The following C8orf34 variants were observed in gnomAD, a reference collection of about 807,000 sequenced individuals.
C8orf34 encodes uncharacterized protein C8orf34.
C8orf34 carries 65 observed loss-of-function variants against 68.3 expected under a neutral mutation model. The ratio of observed to expected loss-of-function variants is 0.95; its 90% CI spans 0.78 to 1.17. C8orf34 has a LOEUF of 1.17. C8orf34 is among the 50% of genes most tolerant of loss of function. The pLI, the probability that C8orf34 is intolerant of heterozygous loss-of-function variation, is 0.00. For synonymous variants in C8orf34, 244 were observed against 241.2 expected, an observed-to-expected ratio of 1.01 and a Z score of -0.11; for missense variants, 664 against 655.4, an observed-to-expected ratio of 1.01 and a Z score of -0.14.
chr8:68,510,180 C>T (rs898413918), intron 5 of C8orf34, among the ~76,000 whole-genome samples: 1 of 152,130 alleles, frequency 6.6e-6, no homozygotes, highest in African/African-American at 2.4e-5. Context: ...CATGCACTCC[C>T]TATCGTAAGC....
intron 10 of C8orf34, among the ~76,000 whole-genome samples, chr8:68,740,185 C>T (rs1475296123): frequency 6.6e-6 from 1 of 151,924 alleles, no homozygotes; most frequent in African/African-American, 2.4e-5. Flanking sequence ...ATTCTCGACA[C>T]AGAAACCAGC....
intron 8 of C8orf34, among the ~76,000 whole-genome samples, chr8:68,649,031 TAAC>T (rs1819264212): frequency 6.6e-6 from 1 of 152,228 alleles, no homozygotes; most frequent in Non-Finnish European, 1.5e-5. Flanking sequence ...TTTTTTTTCT[TAAC>T]TATTTTACAC....
At chr8:68,686,750 A>G (rs997287397) in intron 8 of C8orf34, among the ~76,000 whole-genome samples, 72 of 152,284 alleles carry the variant, frequency 4.7e-4, no homozygotes, top group Non-Finnish European at 7.5e-4. Flanking sequence ...CTTCTATTCA[A>G]CGTAGTACTG....
intron 1 of C8orf34, among the ~76,000 whole-genome samples, chr8:68,416,063 C>T (rs1760517063): frequency 2.0e-5 from 3 of 152,106 alleles, no homozygotes; most frequent in South Asian, 4.1e-4. Context: ...TAGGACTATG[C>T]GTCATAGATT....
At chr8:68,706,581 C>T (rs1320563840) in intron 8 of C8orf34, among the ~76,000 whole-genome samples, 18 of 152,158 alleles carry the variant, frequency 1.2e-4, no homozygotes, top group Non-Finnish European at 1.8e-4. Flanking sequence ...AATTTGTTTT[C>T]GGAGACCAGA....
At chr8:68,749,957 G>A (rs1379714828) in intron 10 of C8orf34, among the ~76,000 whole-genome samples, 3 of 152,016 alleles carry the variant, frequency 2.0e-5, no homozygotes, top group Non-Finnish European at 2.9e-5. Flanking sequence ...TCTTTCTGTG[G>A]ACATGTTTTT....
intron 10 of C8orf34, among the ~76,000 whole-genome samples, chr8:68,743,526 A>G (rs1258598023): frequency 6.6e-6 from 1 of 152,134 alleles, no homozygotes; most frequent in African/African-American, 2.4e-5. Context: ...GTGGGTGCGC[A>G]CACCGTGCGC....
intron 1 of C8orf34, among the ~76,000 whole-genome samples, chr8:68,373,436 C>T (rs553405307): frequency 6.6e-6 from 1 of 152,324 alleles, no homozygotes; most frequent in South Asian, 2.1e-4. Flanking sequence ...CTCTCTTTCT[C>T]TTATATCGGC....
At chr8:68,603,239 A>G (rs543277457) in intron 7 of C8orf34, among the ~76,000 whole-genome samples, 32 of 152,244 alleles carry the variant, frequency 2.1e-4, no homozygotes, top group Admixed American at 1.2e-3. Context: ...AAAGTGTACA[A>G]GGGTGCAACC....
chr8:68,638,254 G>A (rs1818904297), intron 7 of C8orf34, among the ~76,000 whole-genome samples: 1 of 151,696 alleles, frequency 6.6e-6, no homozygotes, highest in African/African-American at 2.4e-5. Flanking sequence ...GTATTCATTT[G>A]AAGCCATCTG....
chr8:68,673,832 C>T (rs1820095413), intron 8 of C8orf34, among the ~76,000 whole-genome samples: 1 of 152,142 alleles, frequency 6.6e-6, no homozygotes, highest in Non-Finnish European at 1.5e-5. Flanking sequence ...TGGGCAAGAC[C>T]TAGGGCTGTA....
chr8:68,601,778 T>A (rs1376745823), intron 7 of C8orf34, among the ~76,000 whole-genome samples: 1 of 152,144 alleles, frequency 6.6e-6, no homozygotes, highest in African/African-American at 2.4e-5. Flanking sequence ...ATTTTCCTGA[T>A]TCTTGGTATG....
At position 68,428,040 on chromosome 8, in the gene C8orf34, A is replaced by C. The variant is rs144896375; in HGVS notation, c.328-11459A>C. Among the ~76,000 whole-genome samples, 832 of 150,870 alleles carry C rather than the reference A, an allele frequency of 5.5e-3. 26 individuals are homozygous for C. Among genetic ancestry groups the C allele is most frequent in the Admixed American group, 0.047 (718 of 15,126 alleles). On this transcript the variant is annotated intron_variant, in intron 1 of 13. Transcript: ENST00000518698. ...AAAAATCATAATATTCCCTAGAAAAAGTCAGATGTTCTTTAAAGAAATATA... is the reference window on the plus strand; with the variant it reads ...AAAAATCATAATATTCCCTAGAAAACGTCAGATGTTCTTTAAAGAAATATA...
chr8:68,416,302 C>A (rs1183732018), intron 1 of C8orf34, among the ~76,000 whole-genome samples: 1 of 152,104 alleles, frequency 6.6e-6, no homozygotes, highest in East Asian at 1.9e-4. Flanking sequence ...TAGGACTCAT[C>A]ATTTATCAAT....
intron 7 of C8orf34, among the ~76,000 whole-genome samples, chr8:68,597,574 T>TGG (rs1439710782): frequency 0.017 from 555 of 32,500 alleles, 7 homozygotes; most frequent in African/African-American, 0.067. Context: ...CACATTGTGG[T>TGG]GGTGTGTGTG....
chr8:68,607,457 C>T (rs1355537474), intron 7 of C8orf34, among the ~76,000 whole-genome samples: 1 of 152,028 alleles, frequency 6.6e-6, no homozygotes, highest in African/African-American at 2.4e-5. Context: ...TGTCTGTGTC[C>T]ACATTTCTTC....
chr8:68,501,606 A>G (rs1268888761), intron 5 of C8orf34, among the ~76,000 whole-genome samples: 1 of 152,134 alleles, frequency 6.6e-6, no homozygotes, highest in African/African-American at 2.4e-5. Flanking sequence ...TTTCCTGGAT[A>G]TAGGTATGGG....
chr8:68,428,260 T>C (rs1267993897), intron 1 of C8orf34, among the ~76,000 whole-genome samples: 2 of 151,928 alleles, frequency 1.3e-5, no homozygotes, highest in Non-Finnish European at 2.9e-5. Context: ...AGATGGATGG[T>C]TGGAGATCAA....
chr8:68,549,820 T>A (rs547560405), intron 7 of C8orf34, among the ~76,000 whole-genome samples: 12 of 151,856 alleles, frequency 7.9e-5, no homozygotes, highest in Admixed American at 7.9e-4. Context: ...GATATATTCT[T>A]GACTAATCAA....
Sources: allele counts gnomAD v4.1 joint callset (sites outside exome capture counted in the v4.1 genomes callset), GRCh38; gene constraint gnomAD v4.1.1; transcripts MANE v1.5; gene names NCBI Gene and HGNC (gene_info 2026-07-23, HGNC 2026-07-21).